GGACT: variants seen among roughly 807,000 people sequenced by gnomAD.
GGACT encodes the protein gamma-glutamylaminecyclotransferase.
For missense variants in GGACT, 241 were observed against 233.2 expected (o/e 1.03, Z -0.22); for synonymous variants, 118 against 115.3 (o/e 1.02, Z -0.15).
At chr13:100,571,822 A>G (rs1875091143) in intron 2 of GGACT, among the ~76,000 whole-genome samples, 1 of 152,232 alleles carries the variant, frequency 6.6e-6, no homozygotes. Context: ...CATGATCTCA[A>G]TAATTCTTAC....
intron 2 of GGACT, among the ~76,000 whole-genome samples, chr13:100,573,249 T>A (rs1875140911): frequency 6.6e-6 from 1 of 152,172 alleles, no homozygotes; most frequent in African/African-American, 2.4e-5. Context: ...AGCAGCTATA[T>A]TAGTCTGGTA....
intron 2 of GGACT, among the ~76,000 whole-genome samples, chr13:100,549,785 C>T (rs142304715): frequency 2.0e-4 from 30 of 152,278 alleles, no homozygotes; most frequent in African/African-American, 7.0e-4. Flanking sequence ...TAGAAAAGTC[C>T]ATTGCTTACG....
chr13:100,548,397 A>C (rs1481056806), intron 2 of GGACT, among the ~76,000 whole-genome samples: 1 of 152,264 alleles, frequency 6.6e-6, no homozygotes, highest in African/African-American at 2.4e-5. Context: ...TTTAAGTTAG[A>C]AGAAGCACAA....
intron 2 of GGACT, among the ~76,000 whole-genome samples, chr13:100,571,105 A>C (rs1358646400): frequency 1.3e-5 from 2 of 152,202 alleles, no homozygotes; most frequent in Admixed American, 6.5e-5. Context: ...CAGTGACAAC[A>C]GTCCTAGCTC....
intron 2 of GGACT, among the ~76,000 whole-genome samples, chr13:100,542,440 C>T (rs2088564038): frequency 6.6e-6 from 1 of 152,342 alleles, no homozygotes; most frequent in African/African-American, 2.4e-5. Context: ...GCTGTCATCC[C>T]TCGTGCACGG....
intron 1 of GGACT, among the ~76,000 whole-genome samples, chr13:100,584,698 C>T (rs756668516): frequency 6.6e-6 from 1 of 152,150 alleles, no homozygotes; most frequent in Non-Finnish European, 1.5e-5. Flanking sequence ...GTGATTATTA[C>T]ACATTGTATC....
chr13:100,558,182 CAAAA>C (rs35098533), intron 2 of GGACT, among the ~76,000 whole-genome samples: 4 of 113,652 alleles, frequency 3.5e-5, no homozygotes, highest in Non-Finnish European at 1.9e-5. Context: ...AACTCCATCT[CAAAA>C]AAAAAAAAAA....
chr13:100,566,102 C>A (rs1437680472), intron 2 of GGACT, among the ~76,000 whole-genome samples: 1 of 152,198 alleles, frequency 6.6e-6, no homozygotes, highest in Non-Finnish European at 1.5e-5. Context: ...CAGGTCTCCC[C>A]AAGTCAAGCC....
chr13:100,556,958 T>C (rs1479009145), intron 2 of GGACT, among the ~76,000 whole-genome samples: 1 of 152,114 alleles, frequency 6.6e-6, no homozygotes, highest in African/African-American at 2.4e-5. Flanking sequence ...ACTGCAATCT[T>C]GGCTCACTGC....
intron 2 of GGACT, chr13:100,578,757 A>C (rs1432623100): frequency 6.6e-6 from 1 of 152,236 alleles, no homozygotes; most frequent in Non-Finnish European, 1.5e-5. Flanking sequence ...GAGGAAGAGT[A>C]ATTCAAAGCA....
At chr13:100,540,707 C>A (rs1362972539) in intron 2 of GGACT, among the ~76,000 whole-genome samples, 1 of 152,146 alleles carries the variant, frequency 6.6e-6, no homozygotes, top group African/African-American at 2.4e-5. Context: ...TCTCCTTGTA[C>A]TCTTGTTCCT....
intron 2 of GGACT, among the ~76,000 whole-genome samples, chr13:100,562,577 C>T (rs556299945): frequency 6.3e-4 from 96 of 152,100 alleles, no homozygotes; most frequent in Non-Finnish European, 1.1e-3. Context: ...AGGCAGATCA[C>T]CTGAGGTCAC....
chr13:100,530,197 T>C lies in GGACT; in HGVS notation c.*1933A>G. 6.5e-7 allele frequency: 1 copy of C among 1,536,492 alleles called. No homozygotes were observed. Among genetic ancestry groups the C allele is most frequent in the South Asian group, 1.1e-5 (1 of 89,274 alleles). On this transcript the variant is annotated 3_prime_UTR_variant, in exon 3 of 3. Transcript: ENST00000683975. ...TTATAACCTTTCAGTCATCACCCAA[T>C]TTAATTAGCCATTTGCATGATGCTT...
At chr13:100,532,671 C>G in intron 2 of GGACT, 70 bp from the exon 3 acceptor site, 1 of 1,295,448 alleles carries the variant, frequency 7.7e-7, no homozygotes, top group Non-Finnish European at 1.1e-6. Context: ...GGACGTGGCT[C>G]CCGGCCCACA....
At chr13:100,538,994 A>T (rs2088524393) in intron 2 of GGACT, 1 of 152,206 alleles carries the variant, frequency 6.6e-6, no homozygotes, top group African/African-American at 2.4e-5. Flanking sequence ...TAAATGGAAT[A>T]GTTTGTCTTT....
At chr13:100,541,080 T>C (rs1241392442) in intron 2 of GGACT, among the ~76,000 whole-genome samples, 1 of 152,230 alleles carries the variant, frequency 6.6e-6, no homozygotes, top group Non-Finnish European at 1.5e-5. Flanking sequence ...TAATGAGTAA[T>C]GGTAAGAAAC....
chr13:100,566,980 C>T (rs1474883122), intron 2 of GGACT, among the ~76,000 whole-genome samples: 1 of 152,206 alleles, frequency 6.6e-6, no homozygotes, highest in Non-Finnish European at 1.5e-5. Flanking sequence ...AGATTGCAGG[C>T]CATTGATTTG....
chr13:100,573,894 A>AC (rs1555334849), intron 2 of GGACT, among the ~76,000 whole-genome samples: 13 of 150,616 alleles, frequency 8.6e-5, no homozygotes, highest in South Asian at 8.4e-4. Context: ...CAAAAAAAAA[A>AC]AAAAAACATG....
Position 100,550,328 on chromosome 13 carries a change from A to T in GGACT, c.-10-17727T>A, listed in dbSNP as rs977721939. On this transcript the variant is annotated intron_variant, in intron 2 of 2. Transcript: ENST00000683975. ...CACACACACACACACACACACACAC[A>T]CACACACACACACACACACACACAC... Among the ~76,000 whole-genome samples the T allele has an allele frequency of 5.3e-5, 7 of 132,250 alleles. No individual in the cohort carries two copies. In the East Asian group the frequency reaches 1.3e-3, roughly 25 times the overall value. 86.8% of individuals were successfully genotyped at this position (132,250 alleles called of 152,430 possible). A position where few individuals can be genotyped will look rare whatever the true frequency, so the allele number is the denominator to read the frequency against.
Sources: gnomAD v4.1 joint callset for allele counts (sites outside exome capture counted in the v4.1 genomes callset) on GRCh38, gnomAD v4.1.1 for gene constraint, MANE v1.5 for transcripts, NCBI Gene and HGNC (gene_info 2026-07-23, HGNC 2026-07-21) for gene names.